NEK7: variants seen among roughly 807,000 people sequenced by gnomAD.
NEK7 encodes the protein serine/threonine-protein kinase Nek7.
In NEK7, 18 loss-of-function variants were observed where a neutral mutation model predicts 44.6. The ratio of observed to expected loss-of-function variants is 0.40; its 90% confidence interval spans 0.28 to 0.60. The LOEUF is 0.60. Ranked by LOEUF, NEK7 falls within the 20% of genes least tolerant of loss-of-function variation. The probability of loss-of-function intolerance (pLI) is 0.38; values close to 1 mark genes in which losing one functional copy is unlikely to be tolerated. For synonymous variants in NEK7, 130 were observed against 121.1 expected (o/e 1.07, Z -0.48); for missense variants, 256 against 366.5 (o/e 0.70, Z 2.46).
intron 1 of NEK7, among the ~76,000 whole-genome samples, chr1:198,208,798 C>G (rs1165658848): frequency 1.3e-5 from 2 of 151,990 alleles, no homozygotes; most frequent in African/African-American, 2.4e-5. Flanking sequence ...ATTGTAGTCC[C>G]TTTTTGAACT....
chr1:198,311,974 T>C (rs1456681234), intron 9 of NEK7, among the ~76,000 whole-genome samples: 13 of 152,226 alleles, frequency 8.5e-5, no homozygotes, highest in African/African-American at 1.2e-4. Flanking sequence ...GGGAGGATTC[T>C]CTCTTTTTCT....
intron 1 of NEK7, among the ~76,000 whole-genome samples, chr1:198,220,180 T>C (rs1666043447): frequency 6.6e-6 from 1 of 152,072 alleles, no homozygotes; most frequent in African/African-American, 2.4e-5. Flanking sequence ...TATAATTTGT[T>C]ACTCTCAAAT....
chr1:198,282,021 A>G (rs937268439), intron 7 of NEK7, among the ~76,000 whole-genome samples: 2 of 152,110 alleles, frequency 1.3e-5, no homozygotes, highest in South Asian at 2.1e-4. Context: ...TGTTCAAACT[A>G]TGTTCAGATC....
intron 6 of NEK7, 115 bp from the exon 7 acceptor site, chr1:198,278,839 C>G: frequency 3.3e-6 from 2 of 611,682 alleles, no homozygotes; most frequent in East Asian, 5.6e-5. Flanking sequence ...GTTCATAAAT[C>G]AAACTTTCAT....
chr1:198,264,068 G>A, intron 4 of NEK7, 57 bp from the exon 5 acceptor site: 1 of 1,511,822 alleles, frequency 6.6e-7, no homozygotes, highest in Non-Finnish European at 8.8e-7. Context: ...AAAACTATAA[G>A]TGACTCTTGG....
chr1:198,274,839 A>G (rs1378063206), intron 5 of NEK7, among the ~76,000 whole-genome samples: 1 of 151,734 alleles, frequency 6.6e-6, no homozygotes, highest in Admixed American at 6.6e-5. Flanking sequence ...TTTTAAAAAG[A>G]GTGTGTCTAT....
chr1:198,303,363 T>G (rs1432642421), intron 9 of NEK7, among the ~76,000 whole-genome samples: 2 of 152,110 alleles, frequency 1.3e-5, no homozygotes, highest in Non-Finnish European at 2.9e-5. Flanking sequence ...AACCGAATAT[T>G]TATAAATAAT....
chr1:198,259,172 A>G (rs1284511100), intron 3 of NEK7, among the ~76,000 whole-genome samples: 1 of 152,170 alleles, frequency 6.6e-6, no homozygotes, highest in East Asian at 1.9e-4. Context: ...TTCTAAATTA[A>G]TTTTTATAAC....
chr1:198,265,565 A>T (rs534881376), intron 5 of NEK7, among the ~76,000 whole-genome samples: 2 of 152,106 alleles, frequency 1.3e-5, no homozygotes, highest in African/African-American at 4.8e-5. Flanking sequence ...GTGATTGGTT[A>T]GGAGTACATA....
At position 198,239,848 on chromosome 1, in the gene NEK7, C is replaced by T. The variant is rs930220607; in HGVS notation, c.57+7211C>T. Reference sequence around the variant, plus strand: ...TGTTTTGCAAACACCATAGAGTGCACTTCCACAAACCCCGACAGGATAGCC... The same window carrying T: ...TGTTTTGCAAACACCATAGAGTGCATTTCCACAAACCCCGACAGGATAGCC... On this transcript the variant is annotated intron_variant, in intron 2 of 9. Transcript: ENST00000367385. Among the ~76,000 whole-genome samples the T allele has an allele frequency of 2.6e-5, 4 of 152,288 alleles. No homozygotes were observed. The South Asian group carries it at 6.2e-4, about 24-fold the overall frequency.
intron 9 of NEK7, among the ~76,000 whole-genome samples, chr1:198,305,231 A>G (rs10494769): frequency 0.052 from 7,939 of 152,226 alleles, 360 homozygotes; most frequent in East Asian, 0.17. Flanking sequence ...GGTTTTGAAC[A>G]AGTGATTGAT....
At chr1:198,289,131 T>TTGTGTGTGTG (rs71133921) in intron 7 of NEK7, among the ~76,000 whole-genome samples, 17 of 148,870 alleles carry the variant, frequency 1.1e-4, no homozygotes, top group African/African-American at 3.7e-4. Flanking sequence ...TTCCCTGAAG[T>TTGTGTGTGTG]TGTGTGTGTG....
rs1362429270 is a variant in NEK7, at chr1:198,314,271, T to G, written c.799-5141T>G. ...TCTTCACGTAGTTCTCGAGCCTTGG[T>G]TTTCAGCTCCATCAGCTCCTTTAAG... is the stretch of plus-strand genomic sequence containing the variant. On this transcript the variant is annotated intron_variant, in intron 9 of 9. Coordinates refer to ENST00000367385, the MANE Select transcript of NEK7 (RefSeq NM_133494.3). Among the ~76,000 whole-genome samples the G allele has an allele frequency of 2.0e-5, 3 of 152,196 alleles. 1 individual carries two copies. The highest frequency in any genetic ancestry group is 6.5e-5 in the Admixed American group (1 of 15,282).
chr1:198,277,472 T>C (rs1461789736), intron 5 of NEK7, among the ~76,000 whole-genome samples: 1 of 151,886 alleles, frequency 6.6e-6, no homozygotes, highest in African/African-American at 2.4e-5. Context: ...ATGAAAACTT[T>C]CTACATAAAT....
At chr1:198,204,925 C>A (rs1407903416) in intron 1 of NEK7, among the ~76,000 whole-genome samples, 1 of 151,976 alleles carries the variant, frequency 6.6e-6, no homozygotes, top group Non-Finnish European at 1.5e-5. Flanking sequence ...TGTTTGTGCT[C>A]CCTCCCAATT....
intron 1 of NEK7, among the ~76,000 whole-genome samples, chr1:198,226,613 G>A (rs773229961): frequency 2.7e-5 from 4 of 150,532 alleles, no homozygotes; most frequent in South Asian, 2.1e-4. Flanking sequence ...TTTATTCATC[G>A]TACTTACTGT....
intron 1 of NEK7, among the ~76,000 whole-genome samples, chr1:198,196,642 A>G (rs1047312487): frequency 6.6e-6 from 1 of 152,226 alleles, no homozygotes; most frequent in African/African-American, 2.4e-5. Context: ...TTTCTCATAA[A>G]GAAAACCTGG....
chr1:198,251,336 T>C (rs563599618), intron 2 of NEK7, among the ~76,000 whole-genome samples: 23 of 148,502 alleles, frequency 1.5e-4, no homozygotes, highest in South Asian at 4.4e-4. Context: ...TCTAAAATTC[T>C]CTTTTTTGGT....
At chr1:198,313,824 G>T (rs1360006812) in intron 9 of NEK7, among the ~76,000 whole-genome samples, 1 of 151,664 alleles carries the variant, frequency 6.6e-6, no homozygotes, top group Non-Finnish European at 1.5e-5. Flanking sequence ...AGTCTGATGG[G>T]CTTCCCTTTG....
Sources: allele counts gnomAD v4.1 joint callset (sites outside exome capture counted in the v4.1 genomes callset), GRCh38; gene constraint gnomAD v4.1.1; transcripts MANE v1.5; gene names NCBI Gene and HGNC (gene_info 2026-07-23, HGNC 2026-07-21).